Variants in ASIC2 observed in about 807,000 individuals in gnomAD.
The protein encoded by ASIC2 is acid sensing ion channel subunit 2.
A neutral mutation model predicts 57.3 loss-of-function variants in ASIC2; 25 were observed. The ratio of observed to expected loss-of-function variants is 0.44; its 90% CI spans 0.32 to 0.61. ASIC2 has a LOEUF of 0.61. ASIC2 is among the 20% of genes least tolerant of loss of function. The pLI is 0.06. For missense variants in ASIC2, 641 were observed against 738.1 expected, an observed-to-expected ratio of 0.87 and a Z score of 1.52; for synonymous variants, 319 against 307.5, an observed-to-expected ratio of 1.04 and a Z score of -0.39.
At chr17:33,284,417 C>A (rs1198215011) in intron 1 of ASIC2, among the ~76,000 whole-genome samples, 1 of 152,116 alleles carries the variant, frequency 6.6e-6, no homozygotes, top group African/African-American at 2.4e-5. Context: ...CTCCATAGAT[C>A]TACTTCTCTT....
intron 1 of ASIC2, among the ~76,000 whole-genome samples, chr17:33,305,679 A>C (rs909798779): frequency 6.6e-6 from 1 of 152,226 alleles, no homozygotes; most frequent in Non-Finnish European, 1.5e-5. Flanking sequence ...TCAAGATTAC[A>C]TTTTGTTCTG....
At chr17:33,450,028 A>G (rs944551284) in intron 1 of ASIC2, among the ~76,000 whole-genome samples, 2 of 152,186 alleles carry the variant, frequency 1.3e-5, no homozygotes, top group East Asian at 1.9e-4. Context: ...TCAGCCTCCC[A>G]AACTGCTGGG....
chr17:33,968,260 A>T (rs1490998030), intron 1 of ASIC2, among the ~76,000 whole-genome samples: 1 of 152,110 alleles, frequency 6.6e-6, no homozygotes, highest in African/African-American at 2.4e-5. Context: ...GATCCAAATA[A>T]AACGGTGCCT....
chr17:33,889,335 G>A (rs1311151189), intron 1 of ASIC2, among the ~76,000 whole-genome samples: 1 of 152,162 alleles, frequency 6.6e-6, no homozygotes, highest in Non-Finnish European at 1.5e-5. Flanking sequence ...GGCATTGAGT[G>A]AGGGAAGTGA....
intron 1 of ASIC2, among the ~76,000 whole-genome samples, chr17:33,284,143 A>G (rs761602609): frequency 2.0e-5 from 3 of 152,180 alleles, no homozygotes; most frequent in African/African-American, 7.2e-5. Flanking sequence ...AGTATAAACA[A>G]TGGTGTCAGG....
At chr17:33,146,631 C>T (rs1475157449) in intron 1 of ASIC2, among the ~76,000 whole-genome samples, 2 of 152,222 alleles carry the variant, frequency 1.3e-5, no homozygotes, top group Non-Finnish European at 2.9e-5. Context: ...CTGTGGAGAT[C>T]AGGCAGAAAG....
chr17:34,058,115 A>G (rs1285057891), intron 1 of ASIC2, among the ~76,000 whole-genome samples: 1 of 152,218 alleles, frequency 6.6e-6, no homozygotes, highest in Non-Finnish European at 1.5e-5. Context: ...TGAAAATTAC[A>G]TATTTCTAAG....
At chr17:33,620,475 A>G (rs748534450) in intron 1 of ASIC2, among the ~76,000 whole-genome samples, 4 of 152,176 alleles carry the variant, frequency 2.6e-5, no homozygotes, top group Non-Finnish European at 5.9e-5. Flanking sequence ...TGTATTTACC[A>G]TAGGGATTTG....
chr17:33,310,826 T>C lies in ASIC2; in HGVS notation c.556-198759A>G, dbSNP rs554996430. Among the ~76,000 whole-genome samples, 54 of 152,304 alleles carry C rather than the reference T, an allele frequency of 3.5e-4. No homozygotes were observed. In the South Asian group the frequency reaches 0.011, roughly 32 times the overall value. On this transcript the variant is annotated intron_variant, in intron 1 of 9. Coordinates refer to the ASIC2 transcript ENST00000359872. The stretch of plus-strand genomic sequence containing the variant: ...TCTTATCCAAATATATAGATAGATA[T>C]AGGTAAGAGATAGAGATACATAAAT...
intron 1 of ASIC2, among the ~76,000 whole-genome samples, chr17:33,817,396 C>T (rs375711531): frequency 6.6e-6 from 1 of 152,206 alleles, no homozygotes. Flanking sequence ...TCATGCTACT[C>T]CCTCTGCCTA....
intron 3 of ASIC2, among the ~76,000 whole-genome samples, chr17:33,065,794 G>C (rs2092041035): frequency 6.6e-6 from 1 of 152,116 alleles, no homozygotes. Context: ...ATAAAAAGTG[G>C]AGTAAAATGA....
intron 1 of ASIC2, among the ~76,000 whole-genome samples, chr17:33,818,260 T>C (rs1912646329): frequency 6.6e-6 from 1 of 152,238 alleles, no homozygotes; most frequent in Admixed American, 6.5e-5. Flanking sequence ...AATACTCTAT[T>C]GTAAAACAGA....
intron 1 of ASIC2, among the ~76,000 whole-genome samples, chr17:33,780,261 A>C (rs150437771): frequency 0.011 from 1,624 of 151,932 alleles, 33 homozygotes; most frequent in African/African-American, 0.037. Flanking sequence ...GTCAGCCACC[A>C]CACCTGGCCT....
chr17:33,240,152 G>A (rs376039213), intron 1 of ASIC2, among the ~76,000 whole-genome samples: 1 of 152,190 alleles, frequency 6.6e-6, no homozygotes, highest in African/African-American at 2.4e-5. Context: ...TTGGGCTTAT[G>A]AGTGCTGGTC....
intron 1 of ASIC2, among the ~76,000 whole-genome samples, chr17:33,206,574 G>T (rs758993202): frequency 6.6e-6 from 1 of 152,104 alleles, no homozygotes; most frequent in Non-Finnish European, 1.5e-5. Flanking sequence ...GTGGTGTCCC[G>T]TGACTCTGCT....
At chr17:33,674,486 G>A (rs752961915) in intron 1 of ASIC2, among the ~76,000 whole-genome samples, 11 of 152,166 alleles carry the variant, frequency 7.2e-5, no homozygotes, top group Non-Finnish European at 5.9e-5. Context: ...ATGAATAATG[G>A]CAATAGTAGA....
intron 1 of ASIC2, among the ~76,000 whole-genome samples, chr17:33,950,007 A>G (rs951126281): frequency 6.6e-6 from 1 of 152,264 alleles, no homozygotes; most frequent in East Asian, 1.9e-4. Flanking sequence ...CTGAATCAAG[A>G]CTCAAGCCAA....
chr17:33,401,070 G>A (rs908413867), intron 1 of ASIC2, among the ~76,000 whole-genome samples: 3 of 152,094 alleles, frequency 2.0e-5, no homozygotes, highest in Admixed American at 2.0e-4. Flanking sequence ...GAATGACATC[G>A]CCGTCTCAAC....
chr17:33,646,992 G>A (rs755968030), intron 1 of ASIC2, among the ~76,000 whole-genome samples: 94 of 152,094 alleles, frequency 6.2e-4, no homozygotes, highest in Non-Finnish European at 1.2e-3. Context: ...AGATGAGGTA[G>A]GTGGGACGCA....
Sources: gnomAD v4.1 joint callset for allele counts (sites outside exome capture counted in the v4.1 genomes callset) on GRCh38, gnomAD v4.1.1 for gene constraint, MANE v1.5 for transcripts, NCBI Gene and HGNC (gene_info 2026-07-23, HGNC 2026-07-21) for gene names.